KIAA1549L: variants seen among roughly 807,000 people sequenced by gnomAD.
The protein encoded by KIAA1549L is KIAA1549 like.
In KIAA1549L, 88 loss-of-function variants were observed where a neutral mutation model predicts 160.7. The observed-to-expected ratio is 0.55, with a 90% CI of 0.46 to 0.65. KIAA1549L has a LOEUF of 0.65. Among genes scored for constraint, KIAA1549L ranks in the 30% least tolerant of loss-of-function variants. The probability of loss-of-function intolerance (pLI) is 0.00; values close to 1 mark genes in which losing one functional copy is unlikely to be tolerated. For missense variants in KIAA1549L, 2,258 were observed against 2,437.5 expected, an observed-to-expected ratio of 0.93 and a Z score of 1.55; for synonymous variants, 950 against 976.7, an observed-to-expected ratio of 0.97 and a Z score of 0.51.
intron 1 of KIAA1549L, among the ~76,000 whole-genome samples, chr11:33,534,022 C>A (rs1387637993): frequency 6.6e-6 from 1 of 152,196 alleles, no homozygotes. Flanking sequence ...GAAAAGGCAG[C>A]CAGTTTGGGG....
chr11:33,669,215 T>G lies in KIAA1549L; in HGVS notation c.*1061T>G, dbSNP rs1033707554. 2 of 152,252 alleles carry G rather than the reference T, an allele frequency of 1.3e-5. No homozygotes were observed. The highest frequency in any genetic ancestry group is 2.9e-5 in the Non-Finnish European group (2 of 68,046). 9.4% of individuals were successfully genotyped at this position (152,252 alleles called of 1,614,324 possible). On this transcript the variant is annotated 3_prime_UTR_variant, in exon 21 of 21. Coordinates refer to ENST00000658780, the MANE Select transcript of KIAA1549L (RefSeq NM_012194.3). ...TGTAGAAAAGCTGTTGAATTTCATT[T>G]AAATGTAAATAACCTTTTAAAAAGC... is the stretch of plus-strand genomic sequence containing the variant.
At chr11:33,530,169 T>C (rs2615931) in intron 1 of KIAA1549L, among the ~76,000 whole-genome samples, 104,676 of 149,142 alleles carry the variant, frequency 0.7, 37,444 homozygotes, top group African/African-American at 0.86. Context: ...CTGAGGCGGG[T>C]GGATCATGAG....
intron 1 of KIAA1549L, among the ~76,000 whole-genome samples, chr11:33,537,034 C>G (rs1367631834): frequency 1.3e-5 from 2 of 152,178 alleles, no homozygotes; most frequent in Admixed American, 6.5e-5. Context: ...CCGGCTGTCG[C>G]CTCCCTCTGC....
rs146234121 is a variant in KIAA1549L at position 33,650,342 on chromosome 11, G to A, written c.5760+4306G>A. On this transcript the variant is annotated intron_variant, in intron 17 of 20. Transcript: ENST00000658780. The stretch of plus-strand genomic sequence containing the variant: ...CTGTGTGAGAAGGGAGAGAGGGAAG[G>A]TGGGAGAGGAAGGCTGGAGAATCCT... Among the ~76,000 whole-genome samples, 87 of 152,356 alleles carry A rather than the reference G, an allele frequency of 5.7e-4. No individual in the cohort carries two copies. The East Asian group carries it at 0.016, about 29-fold the overall frequency.
chr11:33,443,606 C>T (rs1297190124), intron 1 of KIAA1549L, among the ~76,000 whole-genome samples: 9 of 151,452 alleles, frequency 5.9e-5, no homozygotes, highest in Admixed American at 5.9e-4. Context: ...TTTTTGGTGC[C>T]CCAAATAGAT....
chr11:33,503,234 G>A (rs1180855593), intron 1 of KIAA1549L, among the ~76,000 whole-genome samples: 1 of 152,188 alleles, frequency 6.6e-6, no homozygotes, highest in Non-Finnish European at 1.5e-5. Flanking sequence ...CATTATGTGT[G>A]TGAGTTTCAT....
Position 33,561,820 on chromosome 11 carries a change from T to C in KIAA1549L, c.4078+85T>C, listed in dbSNP as rs927091368. 3 of 984,950 alleles carry C rather than the reference T, an allele frequency of 3.0e-6. No homozygotes were observed. The African/African-American group carries it at 4.8e-5, about 16-fold the overall frequency. 61.0% of individuals were successfully genotyped at this position (984,950 alleles called of 1,614,324 possible). On this transcript the variant is annotated intron_variant, in intron 8 of 20. Coordinates refer to ENST00000658780, the MANE Select transcript of KIAA1549L (RefSeq NM_012194.3). The stretch of plus-strand genomic sequence containing the variant: ...AACTGTAGGCCATTCATTAATAAGA[T>C]TGGCACTTTTCTTTGCTCCTGTCTT...
intron 8 of KIAA1549L, among the ~76,000 whole-genome samples, chr11:33,566,912 A>G (rs957303578): frequency 2.6e-5 from 4 of 152,246 alleles, no homozygotes; most frequent in African/African-American, 9.6e-5. Context: ...TCTCTTTAAG[A>G]AAATGAGATT....
intron 16 of KIAA1549L, among the ~76,000 whole-genome samples, chr11:33,635,873 G>A (rs868047785): frequency 6.6e-6 from 1 of 152,146 alleles, no homozygotes; most frequent in Non-Finnish European, 1.5e-5. Context: ...GCCCTCATGG[G>A]GCTTATCCAG....
intron 1 of KIAA1549L, among the ~76,000 whole-genome samples, chr11:33,396,817 G>T (rs1283770956): frequency 6.6e-6 from 1 of 151,940 alleles, no homozygotes; most frequent in Non-Finnish European, 1.5e-5. Context: ...AAGCATGGTG[G>T]TGCACACCTG....
chr11:33,399,244 C>T (rs114694090), intron 1 of KIAA1549L, among the ~76,000 whole-genome samples: 2,132 of 152,202 alleles, frequency 0.014, 44 homozygotes, highest in African/African-American at 0.048. Context: ...TGAGTCACCA[C>T]GCCCGGCCCA....
intron 1 of KIAA1549L, among the ~76,000 whole-genome samples, chr11:33,388,156 A>G (rs1397976541): frequency 6.6e-6 from 1 of 152,192 alleles, no homozygotes; most frequent in African/African-American, 2.4e-5. Flanking sequence ...AGTAATTTAG[A>G]AAGGGAAGAA....
At chr11:33,465,585 A>G (rs991298785) in intron 1 of KIAA1549L, among the ~76,000 whole-genome samples, 5 of 152,184 alleles carry the variant, frequency 3.3e-5, no homozygotes, top group Non-Finnish European at 7.3e-5. Flanking sequence ...ATAAATTTAT[A>G]TGCCAATATG....
chr11:33,414,899 G>A (rs1850858578), intron 1 of KIAA1549L, among the ~76,000 whole-genome samples: 4 of 151,788 alleles, frequency 2.6e-5, no homozygotes, highest in Admixed American at 6.6e-5. Context: ...ATACTATATC[G>A]TTTTGATGTC....
rs746415085 is a variant in KIAA1549L, at chr11:33,655,619, TA to T, written c.5761-390del. On this transcript the variant is annotated intron_variant, in intron 17 of 20. Transcript: ENST00000658780. ...GATCGTAAATAAACAAGCAACCATATAAAGTCAGAGAGTGATCGTTGCCATG... is the reference window on the plus strand; with the variant it reads ...GATCGTAAATAAACAAGCAACCATATAAGTCAGAGAGTGATCGTTGCCATG... Among the ~76,000 whole-genome samples the T allele has an allele frequency of 3.7e-4, 57 of 152,222 alleles. 1 individual carries two copies. The highest frequency in any genetic ancestry group is 6.8e-3 in the Middle Eastern group (2 of 294).
intron 6 of KIAA1549L, among the ~76,000 whole-genome samples, chr11:33,553,629 A>G (rs1003799373): frequency 1.3e-5 from 2 of 152,230 alleles, no homozygotes; most frequent in African/African-American, 4.8e-5. Flanking sequence ...AATGTGTCAC[A>G]GACTGAAGAT....
intron 2 of KIAA1549L, among the ~76,000 whole-genome samples, 183 bp from the exon 3 acceptor site, chr11:33,544,584 A>G (rs936319182): frequency 4.6e-5 from 7 of 152,216 alleles, no homozygotes; most frequent in African/African-American, 1.7e-4. Flanking sequence ...TGTAAGTGGC[A>G]TTCTTGTTAT....
intron 1 of KIAA1549L, among the ~76,000 whole-genome samples, chr11:33,498,402 A>G (rs1183562504): frequency 2.0e-5 from 3 of 152,134 alleles, no homozygotes; most frequent in Admixed American, 6.5e-5. Context: ...AGGCCCCTTT[A>G]TGCCCTTTTG....
intron 11 of KIAA1549L, 53 bp from the exon 12 acceptor site, chr11:33,591,184 T>A: frequency 7.4e-7 from 1 of 1,345,696 alleles, no homozygotes; most frequent in South Asian, 1.2e-5. Flanking sequence ...AAAGCCATGG[T>A]TAGAGTCACA....
Sources: gnomAD v4.1 joint callset for allele counts (sites outside exome capture counted in the v4.1 genomes callset) on GRCh38, gnomAD v4.1.1 for gene constraint, MANE v1.5 for transcripts, NCBI Gene and HGNC (gene_info 2026-07-23, HGNC 2026-07-21) for gene names.